HACD4: variants seen among roughly 807,000 people sequenced by gnomAD.
HACD4 encodes 3-hydroxyacyl-CoA dehydratase 4, also known as very-long-chain (3R)-3-hydroxyacyl-CoA dehydratase 4.
Under a neutral mutation model 33.3 loss-of-function variants are expected in HACD4, and 35 were observed. The observed-to-expected ratio is 1.05, with a 90% CI of 0.80 to 1.39. The LOEUF (loss-of-function observed/expected upper bound fraction) is 1.39, where lower values mean the gene tolerates loss of function less well. HACD4 is among the 40% of genes most tolerant of loss of function. The pLI is 0.00. For synonymous variants in HACD4, 118 were observed against 98.0 expected (o/e 1.20, Z -1.21); for missense variants, 323 against 276.5 (o/e 1.17, Z -1.19).
At chr9:21,018,248 C>A (rs1817812383) in intron 3 of HACD4, among the ~76,000 whole-genome samples, 1 of 152,174 alleles carries the variant, frequency 6.6e-6, no homozygotes, top group Non-Finnish European at 1.5e-5. Flanking sequence ...TACACCATCT[C>A]ATTTTATCTC....
At chr9:21,019,779 T>C (rs1447501068) in intron 3 of HACD4, among the ~76,000 whole-genome samples, 2 of 152,126 alleles carry the variant, frequency 1.3e-5, no homozygotes, top group African/African-American at 2.4e-5. Flanking sequence ...AACTCAACAC[T>C]GTCTTTTATA....
intron 2 of HACD4, among the ~76,000 whole-genome samples, chr9:21,027,851 C>T (rs535089438): frequency 2.4e-4 from 36 of 152,188 alleles, no homozygotes; most frequent in Non-Finnish European, 4.3e-4. Context: ...AGAAATGCGC[C>T]GAGCCGGGCA....
Position 21,011,689 on chromosome 9 carries a change from AGT to A in HACD4, c.388_389del (p.Thr130LeufsTer2). 1 of 1,581,070 alleles carries A rather than the reference AGT, an allele frequency of 6.3e-7. No homozygotes were observed. Among genetic ancestry groups the A allele is most frequent in the Non-Finnish European group, 8.7e-7 (1 of 1,154,150 alleles). On this transcript the variant is annotated frameshift_variant, in exon 5 of 7. Transcript: ENST00000495827. LOFTEE classifies it high-confidence loss of function. ...FWNLLDMVRYTYSMLSVIGIS... is the reference protein window; with the variant it reads ...FWNLLDMVRYXYSMLSVIGIS... ...TTCCTATGACTGATAACATGCTATA[AGT>A]GTACCTGAAAGGAGATGAGAAGCTC... is the stretch of plus-strand genomic sequence containing the variant.
At chr9:21,026,225 G>A (rs1818057104) in intron 3 of HACD4, among the ~76,000 whole-genome samples, 1 of 152,152 alleles carries the variant, frequency 6.6e-6, no homozygotes, top group South Asian at 2.1e-4. Context: ...AGTATGGGTG[G>A]TATGATCCCA....
Position 21,005,384 on chromosome 9 carries a change from A to AGAG in HACD4, c.*1650_*1652dup, listed in dbSNP as rs1842245207. 1 of 152,238 alleles carries AGAG rather than the reference A, an allele frequency of 6.6e-6. No individual in the cohort carries two copies. The allele number at this position is 152,238 out of a possible 1,614,324, so 9.4% of individuals were successfully genotyped here. On this transcript the variant is annotated 3_prime_UTR_variant, in exon 7 of 7. Transcript: ENST00000495827. The surrounding 1 kb of genome is among the most constrained non-coding windows in gnomAD (Gnocchi z 4.0). The stretch of plus-strand genomic sequence containing the variant: ...AAAACACGTTTGGTAGAGAACACTA[A>AGAG]GAGTGTAGCAGACAAGTCATCCAAT...
Position 21,007,090 on chromosome 9 carries a change from A to G in HACD4, c.646T>C (p.Ser216Pro). ...GMYFTYSHLYSERRDILGIFP... is the reference protein window; with the variant it reads ...GMYFTYSHLYPERRDILGIFP... ...ATTCCGAGGATGTCTCTTCTTTCTG[A>G]GTATAGATGACTGTAGGTAAAATAC... The change falls in exon 7 of 7, where the codon TCA (serine) becomes CCA (proline). Residue 216 changes from serine (S) to proline (P), a missense_variant. Physicochemically the swap from Ser to Pro is moderately conservative, Grantham distance 74 (BLOSUM62 -1). Transcript: ENST00000495827. 1 of 1,581,096 alleles carries G rather than the reference A, an allele frequency of 6.3e-7. No individual in the cohort carries two copies. Among genetic ancestry groups the G allele is most frequent in the South Asian group, 1.1e-5 (1 of 90,368 alleles).
At chr9:21,008,682 C>T (rs1842334273) in intron 5 of HACD4, among the ~76,000 whole-genome samples, 1 of 151,802 alleles carries the variant, frequency 6.6e-6, no homozygotes, top group South Asian at 2.1e-4. Context: ...AAATGCTGGC[C>T]TAAATTATTT....
At chr9:21,020,164 G>T (rs1299645466) in intron 3 of HACD4, among the ~76,000 whole-genome samples, 2 of 152,042 alleles carry the variant, frequency 1.3e-5, no homozygotes, top group African/African-American at 4.8e-5. Flanking sequence ...AGTTTTTAGT[G>T]TTTTGGTTGA....
At chr9:21,026,856 G>A (rs1390988732) in intron 2 of HACD4, 133 bp from the exon 3 acceptor site, 2 of 679,554 alleles carry the variant, frequency 2.9e-6, no homozygotes, top group Non-Finnish European at 2.5e-6. Flanking sequence ...AATTCCTTAA[G>A]TAGGCTACTA....
At chr9:21,020,975 T>G (rs1817893724) in intron 3 of HACD4, among the ~76,000 whole-genome samples, 1 of 152,054 alleles carries the variant, frequency 6.6e-6, no homozygotes, top group Non-Finnish European at 1.5e-5. Flanking sequence ...TGTAAAACAT[T>G]TAAAAATGCA....
intron 1 of HACD4, among the ~76,000 whole-genome samples, chr9:21,029,877 C>T (rs12378278): frequency 0.37 from 55,672 of 152,006 alleles, 10,465 homozygotes; most frequent in Non-Finnish European, 0.41. Context: ...GGCCCAGCAT[C>T]ATGAAAGGAT....
At chr9:21,011,923 A>C (rs749148420) in intron 4 of HACD4, among the ~76,000 whole-genome samples, 17 of 152,212 alleles carry the variant, frequency 1.1e-4, no homozygotes, top group Non-Finnish European at 2.2e-4. Context: ...AAACAGAGCA[A>C]GTAACTCTTA....
chr9:21,023,724 G>A (rs963813153), intron 3 of HACD4, among the ~76,000 whole-genome samples: 5 of 152,026 alleles, frequency 3.3e-5, no homozygotes, highest in South Asian at 2.1e-4. Context: ...ACAGGCACGC[G>A]CCACCACGTC....
rs886423866 is a variant in HACD4 at position 21,023,206 on chromosome 9, A to T, written c.270+3390T>A. The stretch of plus-strand genomic sequence containing the variant: ...ACACAGGAAGGGGAATATCACACAC[A>T]GGGGCCTGTTGTGGGGTGGGGGGAG... On this transcript the variant is annotated intron_variant, in intron 3 of 6. Coordinates refer to ENST00000495827, the MANE Select transcript of HACD4 (RefSeq NM_001010915.5). Among the ~76,000 whole-genome samples, 5 of 84,930 alleles carry T rather than the reference A, an allele frequency of 5.9e-5. No individual in the cohort carries two copies. In the Admixed American group the frequency reaches 7.2e-4, roughly 12 times the overall value. The allele number at this position is 84,930 out of a possible 152,430, so 55.7% of individuals were successfully genotyped here. A position where few individuals can be genotyped will look rare whatever the true frequency, so the allele number is the denominator to read the frequency against.
Position 21,026,732 on chromosome 9 carries a change from C to T in HACD4, c.143-9G>A, listed in dbSNP as rs772429989. The T allele has an allele frequency of 4.4e-5, 71 of 1,609,642 alleles. No individual in the cohort carries two copies. Among genetic ancestry groups the T allele is most frequent in the Non-Finnish European group, 5.2e-5 (61 of 1,178,154 alleles). ...AGTGTCAACCATTGAATCTGTATCCCGTGGGTTAAAAATGCAGATATAGGA... is the reference window on the plus strand; with the variant it reads ...AGTGTCAACCATTGAATCTGTATCCTGTGGGTTAAAAATGCAGATATAGGA... On this transcript the variant is annotated splice_polypyrimidine_tract_variant and intron_variant, in intron 2 of 6. Coordinates refer to ENST00000495827, the MANE Select transcript of HACD4 (RefSeq NM_001010915.5).
At position 20,999,533 on chromosome 9, in the gene HACD4, GT is replaced by G. The variant is rs1842135500; in HGVS notation, c.*7503del. On this transcript the variant is annotated 3_prime_UTR_variant, in exon 7 of 7. Coordinates refer to ENST00000495827, the MANE Select transcript of HACD4 (RefSeq NM_001010915.5). ...ATGGGGACTCAGGAAGACAGTGGAA[GT>G]TTATTAAGAAATTGTTCTTAACAAT... The G allele has an allele frequency of 6.6e-6, 1 of 152,096 alleles. No homozygotes were observed. The highest frequency in any genetic ancestry group is 6.6e-5 in the Admixed American group (1 of 15,264). The allele number at this position is 152,096 out of a possible 1,614,324, so 9.4% of individuals were successfully genotyped here. A position where few individuals can be genotyped will look rare whatever the true frequency, so the allele number is the denominator to read the frequency against.
rs1019908816 is a variant in HACD4, at chr9:21,000,631, A to G, written c.*6406T>C. ...AGAACCATGTCATATCAACATTAGC[A>G]TATAACTCAGACCGAGAAGAATATT... is the stretch of plus-strand genomic sequence containing the variant. On this transcript the variant is annotated 3_prime_UTR_variant, in exon 7 of 7. Transcript: ENST00000495827. The G allele has an allele frequency of 6.6e-6, 1 of 152,182 alleles. No individual in the cohort carries two copies. The highest frequency in any genetic ancestry group is 1.5e-5 in the Non-Finnish European group (1 of 68,000). 9.4% of individuals were successfully genotyped at this position (152,182 alleles called of 1,614,324 possible). A position where few individuals can be genotyped will look rare whatever the true frequency, so the allele number is the denominator to read the frequency against.
In HACD4 at chr9:21,027,516, G is replaced by A. The variant is rs147563911; in HGVS notation, c.143-793C>T. Reference sequence around the variant, plus strand: ...CTGAGCAGTAAGGATTTCTCTTCTCGGCAGCTCCACAAGATGGACACTATT... The same window carrying A: ...CTGAGCAGTAAGGATTTCTCTTCTCAGCAGCTCCACAAGATGGACACTATT... On this transcript the variant is annotated intron_variant, in intron 2 of 6. Coordinates refer to ENST00000495827, the MANE Select transcript of HACD4 (RefSeq NM_001010915.5). Among the ~76,000 whole-genome samples, 81 of 152,150 alleles carry A rather than the reference G, an allele frequency of 5.3e-4. 3 individuals are homozygous for A. The East Asian group carries it at 0.015, about 28-fold the overall frequency.
rs1285148733 is a variant in HACD4 at position 21,000,005 on chromosome 9, G to A, written c.*7032C>T. The A allele has an allele frequency of 6.6e-6, 1 of 152,198 alleles. No individual in the cohort carries two copies. The highest frequency in any genetic ancestry group is 2.1e-4 in the South Asian group (1 of 4,832). The allele number at this position is 152,198 out of a possible 1,614,324, so 9.4% of individuals were successfully genotyped here. The stretch of plus-strand genomic sequence containing the variant: ...GGTTAAGGAAACTGGAACTCAAAGA[G>A]TCATTCAGTTAGTAAATAATGGAGC... On this transcript the variant is annotated 3_prime_UTR_variant, in exon 7 of 7. Coordinates refer to ENST00000495827, the MANE Select transcript of HACD4 (RefSeq NM_001010915.5).
Sources: allele counts gnomAD v4.1 joint callset (sites outside exome capture counted in the v4.1 genomes callset), GRCh38; gene constraint gnomAD v4.1.1; non-coding constraint Gnocchi (gnomAD v3.1); transcripts MANE v1.5; gene names NCBI Gene and HGNC (gene_info 2026-07-23, HGNC 2026-07-21).